Variants in CELSR1 observed in about 807,000 individuals in gnomAD.
CELSR1 encodes cadherin EGF LAG seven-pass G-type receptor 1, also known as adhesion G protein-coupled receptor C1.
CELSR1 carries 110 observed loss-of-function variants against 249.1 expected under a neutral mutation model. That is an observed-to-expected ratio of 0.44 (90% CI 0.38 to 0.52). The LOEUF is 0.52. Ranked by LOEUF, CELSR1 falls within the 20% of genes least tolerant of loss-of-function variation. CELSR1 has a pLI of 0.00. For synonymous variants in CELSR1, 2,113 were observed against 1,900.0 expected (o/e 1.11, Z -2.92); for missense variants, 4,109 against 4,296.4 (o/e 0.96, Z 1.22).
At chr22:46,486,421 G>A (rs1265173464) in intron 1 of CELSR1, among the ~76,000 whole-genome samples, 42 of 150,846 alleles carry the variant, frequency 2.8e-4, no homozygotes, top group African/African-American at 1.0e-3. Context: ...GGTGGTGGGC[G>A]CCTGTAATCC....
Position 46,468,300 on chromosome 22 carries a change from C to T in CELSR1, c.3545-3955G>A, listed in dbSNP as rs746457230. ...ACTCGGGAGGCTGAGGCAGGAGAAT[C>T]GCTTGAACCCAAGAGGTGGAGGTTG... is the stretch of plus-strand genomic sequence containing the variant. On this transcript the variant is annotated intron_variant, in intron 1 of 34. Coordinates refer to ENST00000674500, the MANE Select transcript of CELSR1 (RefSeq NM_001378328.1). This position sits in a 1 kb window ranked among gnomAD's most constrained non-coding sequence, Gnocchi z 4.5. 4.6e-5 allele frequency among the ~76,000 whole-genome samples: 7 copies of T among 151,180 alleles called. No individual in the cohort carries two copies. The highest frequency in any genetic ancestry group is 1.3e-4 in the Admixed American group (2 of 15,094).
At chr22:46,492,922 C>T (rs1213805528) in intron 1 of CELSR1, among the ~76,000 whole-genome samples, 1 of 152,002 alleles carries the variant, frequency 6.6e-6, no homozygotes, top group Non-Finnish European at 1.5e-5. Context: ...GCATGGAAAA[C>T]ATTTAATATT....
At chr22:46,386,302 G>T (rs994763474) in intron 19 of CELSR1, 100 bp downstream of exon 19, 16 of 1,305,224 alleles carry the variant, frequency 1.2e-5, no homozygotes, top group East Asian at 5.6e-5. Context: ...ATGGCCAAGG[G>T]GGGGCCGGGA....
chr22:46,480,165 C>CT (rs2080252368), intron 1 of CELSR1, among the ~76,000 whole-genome samples: 1 of 152,190 alleles, frequency 6.6e-6, no homozygotes, highest in African/African-American at 2.4e-5. Context: ...CAAGATTGTC[C>CT]TGTCGTTTTG....
chr22:46,447,768 C>T lies in CELSR1; in HGVS notation c.4184-8357G>A, dbSNP rs1225340919. Among the ~76,000 whole-genome samples, 2 of 152,236 alleles carry T rather than the reference C, an allele frequency of 1.3e-5. No homozygotes were observed. The highest frequency in any genetic ancestry group is 2.4e-5 in the African/African-American group (1 of 41,550). On this transcript the variant is annotated intron_variant, in intron 2 of 34. Coordinates refer to ENST00000674500, the MANE Select transcript of CELSR1 (RefSeq NM_001378328.1). The surrounding 1 kb of genome is among the most constrained non-coding windows in gnomAD (Gnocchi z 4.7). ...CCGAGTTGCTGGGATTACAGGTGCA[C>T]ACCACCACACCTGGCTAATTTTTGT... is the stretch of plus-strand genomic sequence containing the variant.
At position 46,399,633 on chromosome 22, in the gene CELSR1, T is replaced by C. The variant is rs2079189044; in HGVS notation, c.5412+84A>G. On this transcript the variant is annotated intron_variant, in intron 10 of 34. Coordinates refer to ENST00000674500, the MANE Select transcript of CELSR1 (RefSeq NM_001378328.1). This position sits in a 1 kb window ranked among gnomAD's most constrained non-coding sequence, Gnocchi z 5.0. ...CCAAATCCACAAGGTCTCTGGTGGG[T>C]CCTGGCACGTCAAGGGGTCATTCTG... 7.1e-7 allele frequency: 1 copy of C among 1,403,532 alleles called. No homozygotes were observed. Among genetic ancestry groups the C allele is most frequent in the Admixed American group, 1.7e-5 (1 of 57,410 alleles). 86.9% of individuals were successfully genotyped at this position (1,403,532 alleles called of 1,614,324 possible).
rs2078748182 is a variant in CELSR1, at chr22:46,364,764, G to C, written c.8555-28C>G. 4.4e-6 allele frequency: 7 copies of C among 1,596,292 alleles called. No homozygotes were observed. In the East Asian group the frequency reaches 1.6e-4, roughly 36 times the overall value. ...GAGGCACGAGAGCGGTGCTCAGCAGGCAGCGGCACTGCCACTCGAGCTGCT... is the reference window on the plus strand; with the variant it reads ...GAGGCACGAGAGCGGTGCTCAGCAGCCAGCGGCACTGCCACTCGAGCTGCT... On this transcript the variant is annotated intron_variant, in intron 32 of 34. Transcript: ENST00000674500.
rs919635288 is a variant in CELSR1 at position 46,398,118 on chromosome 22, G to A, written c.5527-270C>T. On this transcript the variant is annotated intron_variant, in intron 11 of 34. Transcript: ENST00000674500. This position sits in a 1 kb window ranked among gnomAD's most constrained non-coding sequence, Gnocchi z 7.2. Reference sequence around the variant, plus strand: ...GTGAGGAGTGGATGTCCCTGCCGAGGGGGCTGAGAGCTGAACGACTCAGAG... The same window carrying A: ...GTGAGGAGTGGATGTCCCTGCCGAGAGGGCTGAGAGCTGAACGACTCAGAG... 1.3e-5 allele frequency among the ~76,000 whole-genome samples: 2 copies of A among 152,122 alleles called. No individual in the cohort carries two copies. Among genetic ancestry groups the A allele is most frequent in the African/African-American group, 2.4e-5 (1 of 41,412 alleles).
chr22:46,455,956 C>G (rs9626877), intron 2 of CELSR1, among the ~76,000 whole-genome samples: 43,067 of 152,100 alleles, frequency 0.28, 6,482 homozygotes, highest in African/African-American at 0.36. Flanking sequence ...GGACTCTGTA[C>G]AAAAAGCCAA....
At chr22:46,495,452 T>C (rs2080404053) in intron 1 of CELSR1, among the ~76,000 whole-genome samples, 1 of 152,020 alleles carries the variant, frequency 6.6e-6, no homozygotes, top group Non-Finnish European at 1.5e-5. Flanking sequence ...AGTGGGTGAG[T>C]GGTGAGTGAA....
At chr22:46,532,258 G>A (rs2080799356) in intron 1 of CELSR1, among the ~76,000 whole-genome samples, 1 of 152,194 alleles carries the variant, frequency 6.6e-6, no homozygotes, top group Non-Finnish European at 1.5e-5. Context: ...AGATAAAGTG[G>A]TATAGAAGAA....
rs1453886534 is a variant in CELSR1, at chr22:46,434,212, C to T, written c.4523-731G>A. ...CGTAACACGTCCCATCGTGAGGTCG[C>T]GGACGCGTCTCTTGTGCATCTCTGC... is the stretch of plus-strand genomic sequence containing the variant. On this transcript the variant is annotated intron_variant, in intron 4 of 34. Coordinates refer to ENST00000674500, the MANE Select transcript of CELSR1 (RefSeq NM_001378328.1). This position sits in a 1 kb window ranked among gnomAD's most constrained non-coding sequence, Gnocchi z 4.9. 1.3e-5 allele frequency among the ~76,000 whole-genome samples: 2 copies of T among 152,242 alleles called. No individual in the cohort carries two copies. The highest frequency in any genetic ancestry group is 2.4e-5 in the African/African-American group (1 of 41,456).
At chr22:46,474,128 C>T (rs73178813) in intron 1 of CELSR1, among the ~76,000 whole-genome samples, 314 of 152,276 alleles carry the variant, frequency 2.1e-3, no homozygotes, top group Non-Finnish European at 4.2e-3. Flanking sequence ...CACGATGCCT[C>T]GGGAACAAAG....
At chr22:46,498,074 C>A (rs951191414) in intron 1 of CELSR1, among the ~76,000 whole-genome samples, 1 of 150,496 alleles carries the variant, frequency 6.6e-6, no homozygotes, top group Non-Finnish European at 1.5e-5. Context: ...CATGGAGAAA[C>A]CCCGTCTCTA....
At position 46,411,336 on chromosome 22, in the gene CELSR1, C is replaced by T. The variant is rs1445384001; in HGVS notation, c.4769+266G>A. Among the ~76,000 whole-genome samples, 1 of 152,184 alleles carries T rather than the reference C, an allele frequency of 6.6e-6. No homozygotes were observed. Among genetic ancestry groups the T allele is most frequent in the Non-Finnish European group, 1.5e-5 (1 of 68,038 alleles). ...AAGCCAGTGATCCGTGGAGATGGGG[C>T]TGGAGACCGTCTCGGGGTCTGCAAG... On this transcript the variant is annotated intron_variant, in intron 6 of 34. Transcript: ENST00000674500. This position sits in a 1 kb window ranked among gnomAD's most constrained non-coding sequence, Gnocchi z 4.2.
At chr22:46,376,791 G>A (rs1194031079) in intron 24 of CELSR1, among the ~76,000 whole-genome samples, 3 of 147,642 alleles carry the variant, frequency 2.0e-5, no homozygotes, top group African/African-American at 7.7e-5. Flanking sequence ...TGGATTGACA[G>A]AGCGAGACTC....
At position 46,391,296 on chromosome 22, in the gene CELSR1, G is replaced by C. The variant is rs539128880; in HGVS notation, c.6149-9C>G. ...ACAGCCATTGTAGATCACTGGGGTA[G>C]AGAAGAGAGAAGTCTGCTCAGCGGG... is the stretch of plus-strand genomic sequence containing the variant. On this transcript the variant is annotated splice_polypyrimidine_tract_variant and intron_variant, in intron 15 of 34. Transcript: ENST00000674500. This position sits in a 1 kb window ranked among gnomAD's most constrained non-coding sequence, Gnocchi z 4.3. 2.5e-6 allele frequency: 4 copies of C among 1,611,506 alleles called. No homozygotes were observed. Among genetic ancestry groups the C allele is most frequent in the Non-Finnish European group, 2.5e-6 (3 of 1,178,382 alleles).
intron 5 of CELSR1, among the ~76,000 whole-genome samples, chr22:46,414,625 C>T (rs1011925399): frequency 7.4e-5 from 11 of 147,846 alleles, no homozygotes; most frequent in Admixed American, 1.3e-4. Flanking sequence ...GGGTTTAACG[C>T]GCAGGCTAAC....
chr22:46,428,201 C>T lies in CELSR1; in HGVS notation c.4611+5192G>A, dbSNP rs140138575. On this transcript the variant is annotated intron_variant, in intron 5 of 34. Transcript: ENST00000674500. This position sits in a 1 kb window ranked among gnomAD's most constrained non-coding sequence, Gnocchi z 5.7. ...GTCTTTATAAAAGCACTTTCCGCAG[C>T]ATGCCAAAGACAGCCCCGCGCCATC... Among the ~76,000 whole-genome samples, 415 of 152,336 alleles carry T rather than the reference C, an allele frequency of 2.7e-3. 2 individuals are homozygous for T. The highest frequency in any genetic ancestry group is 0.022 in the South Asian group (105 of 4,826).
Sources: gnomAD v4.1 joint callset for allele counts (sites outside exome capture counted in the v4.1 genomes callset) on GRCh38, gnomAD v4.1.1 for gene constraint, Gnocchi (gnomAD v3.1) non-coding constraint, MANE v1.5 for transcripts, NCBI Gene and HGNC (gene_info 2026-07-23, HGNC 2026-07-21) for gene names.